The following B3GALT1 variants were observed in gnomAD, a reference collection of about 807,000 sequenced individuals.
B3GALT1 encodes UDP-Gal:betaGlcNAc beta 1,3-galactosyltransferase, polypeptide 1.
A neutral mutation model predicts 23.2 loss-of-function variants in B3GALT1; 10 were observed. That is an observed-to-expected ratio of 0.43 (90% CI 0.27 to 0.73). The LOEUF (loss-of-function observed/expected upper bound fraction) is 0.73. Among genes scored for constraint, B3GALT1 ranks in the 30% least tolerant of loss-of-function variants. B3GALT1 has a pLI of 0.21. For synonymous variants in B3GALT1, 156 were observed against 141.5 expected (o/e 1.10, Z -0.73); for missense variants, 299 against 405.4 (o/e 0.74, Z 2.25).
At chr2:167,776,755 A>G (rs572565692) in intron 3 of B3GALT1, among the ~76,000 whole-genome samples, 191 of 152,296 alleles carry the variant, frequency 1.3e-3, no homozygotes, top group African/African-American at 4.4e-3. Context: ...ACATCTGAGG[A>G]ACTACAGTGG....
intron 1 of B3GALT1, among the ~76,000 whole-genome samples, chr2:167,443,902 A>G (rs184970077): frequency 0.013 from 2,018 of 152,186 alleles, 43 homozygotes; most frequent in African/African-American, 0.046. Flanking sequence ...TTCCAACACT[A>G]TGTTGAATAG....
intron 4 of B3GALT1, among the ~76,000 whole-genome samples, chr2:167,837,057 C>G (rs1237267599): frequency 1.3e-5 from 2 of 152,212 alleles, no homozygotes; most frequent in African/African-American, 4.8e-5. Flanking sequence ...CAACCGGTAA[C>G]AGCTGCTGCA....
intron 2 of B3GALT1, among the ~76,000 whole-genome samples, chr2:167,504,811 T>C (rs1016324013): frequency 2.0e-5 from 3 of 152,198 alleles, no homozygotes; most frequent in African/African-American, 7.2e-5. Context: ...TACAGGTTTG[T>C]AGCCTAGGAA....
chr2:167,810,408 G>A (rs1262617358), intron 3 of B3GALT1, among the ~76,000 whole-genome samples: 4 of 150,708 alleles, frequency 2.7e-5, no homozygotes, highest in Admixed American at 6.6e-5. Flanking sequence ...GTTCCTATTC[G>A]GCCATCTTGG....
rs535685642 is a variant in B3GALT1, at chr2:167,359,626, CA to C, written c.-511+66294del. Among the ~76,000 whole-genome samples the C allele has an allele frequency of 1.3e-4, 20 of 152,312 alleles. No homozygotes were observed. The East Asian group carries it at 3.9e-3, about 29-fold the overall frequency. ...AGGGCCTCCTCCTGGCTAACCATGA[CA>C]ATTTTAATCCAAGTTTGAATACTTA... is the stretch of plus-strand genomic sequence containing the variant. On this transcript the variant is annotated intron_variant, in intron 1 of 4. Coordinates refer to ENST00000392690, the MANE Select transcript of B3GALT1 (RefSeq NM_020981.4).
rs373111319 is a variant in B3GALT1, at chr2:167,783,374, T to C, written c.-351-35298T>C. Among the ~76,000 whole-genome samples, 4 of 152,234 alleles carry C rather than the reference T, an allele frequency of 2.6e-5. No individual in the cohort carries two copies. The South Asian group carries it at 8.3e-4, about 32-fold the overall frequency. ...GGAGATGGTAAAAGCTGAGAGTCCA[T>C]GCAATTATTATTTCCTTGAGCCAAG... On this transcript the variant is annotated intron_variant, in intron 3 of 4. Coordinates refer to ENST00000392690, the MANE Select transcript of B3GALT1 (RefSeq NM_020981.4).
chr2:167,853,857 G>A (rs1689950913), intron 4 of B3GALT1, among the ~76,000 whole-genome samples: 1 of 152,152 alleles, frequency 6.6e-6, no homozygotes, highest in Admixed American at 6.6e-5. Context: ...CCTAGGGGGA[G>A]GGCGTGCAAG....
chr2:167,533,112 C>T (rs1042578610), intron 2 of B3GALT1, among the ~76,000 whole-genome samples: 20 of 151,444 alleles, frequency 1.3e-4, no homozygotes, highest in Admixed American at 4.0e-4. Context: ...CTGCCTGCCT[C>T]GGCCTCCCAA....
intron 4 of B3GALT1, among the ~76,000 whole-genome samples, chr2:167,822,557 A>AGAT (rs1281152195): frequency 6.6e-6 from 1 of 152,218 alleles, no homozygotes; most frequent in Non-Finnish European, 1.5e-5. Context: ...CAAGACAAAG[A>AGAT]GATTATTAAA....
chr2:167,739,842 A>G (rs968776317), intron 3 of B3GALT1, among the ~76,000 whole-genome samples: 5 of 151,560 alleles, frequency 3.3e-5, no homozygotes, highest in South Asian at 2.1e-4. Context: ...TGTAATCCCA[A>G]CACTTTGGGA....
chr2:167,580,293 C>G (rs1185188273), intron 2 of B3GALT1, among the ~76,000 whole-genome samples: 1 of 152,130 alleles, frequency 6.6e-6, no homozygotes, highest in Non-Finnish European at 1.5e-5. Flanking sequence ...CTAAAATAAA[C>G]CCTATTGCTA....
At chr2:167,339,773 G>C (rs1697118991) in intron 1 of B3GALT1, among the ~76,000 whole-genome samples, 1 of 152,114 alleles carries the variant, frequency 6.6e-6, no homozygotes, top group African/African-American at 2.4e-5. Context: ...AAAACAAATA[G>C]AAAAATTAAT....
intron 3 of B3GALT1, among the ~76,000 whole-genome samples, chr2:167,691,750 CATAA>C (rs1023638813): frequency 6.6e-6 from 1 of 152,090 alleles, no homozygotes; most frequent in Non-Finnish European, 1.5e-5. Flanking sequence ...ATGTGTTAAA[CATAA>C]ATAATTAATT....
intron 2 of B3GALT1, among the ~76,000 whole-genome samples, chr2:167,515,954 G>A (rs745315111): frequency 2.0e-5 from 3 of 152,072 alleles, no homozygotes; most frequent in Non-Finnish European, 4.4e-5. Context: ...GCCTATCTAT[G>A]TATTCAGCGT....
At chr2:167,687,372 A>G (rs1035397532) in intron 3 of B3GALT1, among the ~76,000 whole-genome samples, 2 of 152,188 alleles carry the variant, frequency 1.3e-5, no homozygotes, top group African/African-American at 2.4e-5. Flanking sequence ...AGATAAGCTA[A>G]AGGGTTTGGT....
intron 1 of B3GALT1, among the ~76,000 whole-genome samples, chr2:167,445,649 T>C (rs904133857): frequency 6.6e-6 from 1 of 152,222 alleles, no homozygotes; most frequent in Admixed American, 6.5e-5. Context: ...ATTTTGTTGG[T>C]TTAAAATCTG....
intron 3 of B3GALT1, among the ~76,000 whole-genome samples, chr2:167,750,024 C>T (rs1215124132): frequency 6.6e-6 from 1 of 152,148 alleles, no homozygotes; most frequent in Non-Finnish European, 1.5e-5. Context: ...AAAACCCCTT[C>T]CTTTGGCCAT....
chr2:167,563,337 G>A (rs1177272859), intron 2 of B3GALT1, among the ~76,000 whole-genome samples: 1 of 144,192 alleles, frequency 6.9e-6, no homozygotes, highest in Non-Finnish European at 1.5e-5. Context: ...CCCGGAAGGG[G>A]CGGCTGGCCG....
chr2:167,795,604 T>C (rs1393494372), intron 3 of B3GALT1, among the ~76,000 whole-genome samples: 1 of 152,226 alleles, frequency 6.6e-6, no homozygotes, highest in Non-Finnish European at 1.5e-5. Flanking sequence ...TGCTGTACTC[T>C]GAGGAGAATC....
Sources: gnomAD v4.1 joint callset for allele counts (sites outside exome capture counted in the v4.1 genomes callset) on GRCh38, gnomAD v4.1.1 for gene constraint, MANE v1.5 for transcripts, NCBI Gene and HGNC (gene_info 2026-07-23, HGNC 2026-07-21) for gene names.